NR6A1: variants seen among roughly 807,000 people sequenced by gnomAD.
The protein encoded by NR6A1 is retinoic acid receptor-related testis-associated receptor.
A neutral mutation model predicts 59.1 loss-of-function variants in NR6A1; 7 were observed. That is an observed-to-expected ratio of 0.12 (90% CI 0.07 to 0.22). The LOEUF is 0.22. Among genes scored for constraint, NR6A1 ranks in the 10% least tolerant of loss-of-function variants. The probability of loss-of-function intolerance (pLI) is 1.00; values close to 1 mark genes in which losing one functional copy is unlikely to be tolerated. For missense variants in NR6A1, 468 were observed against 611.6 expected (o/e 0.77, Z 2.48); for synonymous variants, 243 against 236.1 (o/e 1.03, Z -0.27).
Position 124,520,359 on chromosome 9 carries a change from A to AT in NR6A1, c.*2345dup, listed in dbSNP as rs1413703377. On this transcript the variant is annotated 3_prime_UTR_variant, in exon 10 of 10. Coordinates refer to ENST00000487099, the MANE Select transcript of NR6A1 (RefSeq NM_033334.4). ...CTGAGATTCTGCAGGGCTCTCGGCA[A>AT]TGAATGGGCTCTTTGTTCTGTGGAA... 1 of 152,222 alleles carries AT rather than the reference A, an allele frequency of 6.6e-6. No homozygotes were observed. Among genetic ancestry groups the AT allele is most frequent in the African/African-American group, 2.4e-5 (1 of 41,442 alleles). The allele number at this position is 152,222 out of a possible 1,614,324, so 9.4% of individuals were successfully genotyped here. A position where few individuals can be genotyped will look rare whatever the true frequency, so the allele number is the denominator to read the frequency against.
chr9:124,653,430 T>C (rs1442671022), intron 2 of NR6A1, among the ~76,000 whole-genome samples: 2 of 152,142 alleles, frequency 1.3e-5, no homozygotes, highest in African/African-American at 4.8e-5. Context: ...TTGTTGTTTT[T>C]TAAGAGACAG....
At chr9:124,642,203 C>T (rs1836786593) in intron 2 of NR6A1, among the ~76,000 whole-genome samples, 1 of 150,512 alleles carries the variant, frequency 6.6e-6, no homozygotes, top group South Asian at 2.1e-4. Context: ...GCGCACACCA[C>T]CACGCCCAGC....
At chr9:124,575,331 T>C (rs59475187) in intron 2 of NR6A1, among the ~76,000 whole-genome samples, 3,853 of 152,262 alleles carry the variant, frequency 0.025, 135 homozygotes, top group East Asian at 0.095. Context: ...CCTAGCACTT[T>C]GGGAGGCTAA....
chr9:124,637,488 T>TA (rs1836643190), intron 2 of NR6A1, among the ~76,000 whole-genome samples: 1 of 152,166 alleles, frequency 6.6e-6, no homozygotes. Flanking sequence ...AACTCTGCCA[T>TA]ATAGGTATTT....
intron 2 of NR6A1, among the ~76,000 whole-genome samples, chr9:124,691,165 T>C (rs1324569954): frequency 6.6e-6 from 1 of 152,248 alleles, no homozygotes; most frequent in Non-Finnish European, 1.5e-5. Context: ...CAGTTACAGT[T>C]GCCTGATTTT....
intron 1 of NR6A1, among the ~76,000 whole-genome samples, chr9:124,756,886 A>G (rs1369571772): frequency 6.6e-6 from 1 of 151,822 alleles, no homozygotes; most frequent in African/African-American, 2.4e-5. Context: ...CCATATCTAT[A>G]AGAATTCGAA....
At chr9:124,629,591 C>G (rs1836363023) in intron 2 of NR6A1, among the ~76,000 whole-genome samples, 1 of 152,090 alleles carries the variant, frequency 6.6e-6, no homozygotes, top group South Asian at 2.1e-4. Flanking sequence ...GTGTTTTTTC[C>G]TTTCTCGAGG....
At chr9:124,710,133 T>TG (rs1208011669) in intron 2 of NR6A1, among the ~76,000 whole-genome samples, 25 of 152,164 alleles carry the variant, frequency 1.6e-4, no homozygotes, top group African/African-American at 6.0e-4. Flanking sequence ...ATCTTAGTTA[T>TG]GCTGGACAAC....
intron 1 of NR6A1, among the ~76,000 whole-genome samples, chr9:124,759,452 T>A (rs568131618): frequency 6.6e-6 from 1 of 152,316 alleles, no homozygotes; most frequent in South Asian, 2.1e-4. Flanking sequence ...ACTTAGATAT[T>A]GGCCCCAATT....
At position 124,521,200 on chromosome 9, in the gene NR6A1, G is replaced by A. The variant is rs533345631; in HGVS notation, c.*1505C>T. 21 of 152,490 alleles carry A rather than the reference G, an allele frequency of 1.4e-4. No individual in the cohort carries two copies. Among genetic ancestry groups the A allele is most frequent in the African/African-American group, 5.0e-4 (21 of 41,590 alleles). The allele number at this position is 152,490 out of a possible 1,614,324, so 9.4% of individuals were successfully genotyped here. A position where few individuals can be genotyped will look rare whatever the true frequency, so the allele number is the denominator to read the frequency against. The stretch of plus-strand genomic sequence containing the variant: ...GTAGGCAGGACAAGCACCTGAAAGA[G>A]TTCAAAGACAGACCTGGTGTAGCGC... On this transcript the variant is annotated 3_prime_UTR_variant, in exon 10 of 10. Coordinates refer to ENST00000487099, the MANE Select transcript of NR6A1 (RefSeq NM_033334.4).
At chr9:124,615,343 T>TAGGC (rs1408716719) in intron 2 of NR6A1, among the ~76,000 whole-genome samples, 1 of 151,716 alleles carries the variant, frequency 6.6e-6, no homozygotes, top group African/African-American at 2.4e-5. Context: ...GAAACTGGAG[T>TAGGC]AGGCACATAT....
At chr9:124,689,318 G>A (rs374545430) in intron 2 of NR6A1, among the ~76,000 whole-genome samples, 6 of 152,054 alleles carry the variant, frequency 3.9e-5, no homozygotes, top group East Asian at 1.9e-4. Context: ...TCAAAGTCAC[G>A]ATTCTGGCTC....
chr9:124,689,817 T>C (rs568019409), intron 2 of NR6A1, among the ~76,000 whole-genome samples: 1 of 152,326 alleles, frequency 6.6e-6, no homozygotes, highest in Admixed American at 6.5e-5. Context: ...CTGGCACTTG[T>C]AGGCAGAATT....
chr9:124,725,040 A>T (rs1425084677), intron 2 of NR6A1, among the ~76,000 whole-genome samples: 1 of 152,172 alleles, frequency 6.6e-6, no homozygotes, highest in Non-Finnish European at 1.5e-5. Context: ...CTATTCTCTA[A>T]CTTCCCTTGT....
intron 2 of NR6A1, among the ~76,000 whole-genome samples, chr9:124,554,987 G>A (rs1438154359): frequency 6.6e-6 from 1 of 152,094 alleles, no homozygotes; most frequent in African/African-American, 2.4e-5. Context: ...TAACCATACC[G>A]AGCTAAGCCG....
chr9:124,528,073 C>CTTCT (rs1832990158), intron 7 of NR6A1, among the ~76,000 whole-genome samples: 1 of 152,212 alleles, frequency 6.6e-6, no homozygotes, highest in South Asian at 2.1e-4. Flanking sequence ...CACTACAGGC[C>CTTCT]TGTGCCAAGC....
chr9:124,551,364 G>A (rs1213849406), intron 3 of NR6A1, among the ~76,000 whole-genome samples: 2 of 152,156 alleles, frequency 1.3e-5, no homozygotes, highest in East Asian at 3.8e-4. Flanking sequence ...AATCTAGCAC[G>A]AGGGGATTCA....
intron 2 of NR6A1, among the ~76,000 whole-genome samples, chr9:124,688,399 T>C (rs1838412422): frequency 6.6e-6 from 1 of 152,214 alleles, no homozygotes. Context: ...CGTACTCACC[T>C]ATTTTTGAAA....
At chr9:124,762,256 A>G (rs950916584) in intron 1 of NR6A1, among the ~76,000 whole-genome samples, 1 of 152,228 alleles carries the variant, frequency 6.6e-6, no homozygotes, top group African/African-American at 2.4e-5. Context: ...AAATAAACCT[A>G]TGAAAAATTT....
Sources: allele counts gnomAD v4.1 joint callset (sites outside exome capture counted in the v4.1 genomes callset), GRCh38; gene constraint gnomAD v4.1.1; transcripts MANE v1.5; gene names NCBI Gene and HGNC (gene_info 2026-07-23, HGNC 2026-07-21).